Variants in NOL8 observed in about 807,000 individuals in gnomAD.
NOL8 encodes the protein nucleolar protein 8.
NOL8 carries 93 observed loss-of-function variants against 116.1 expected under a neutral mutation model. The observed-to-expected ratio is 0.80, with a 90% CI of 0.68 to 0.95. NOL8 has a LOEUF of 0.95. NOL8 is among the 40% of genes least tolerant of loss of function. The probability of loss-of-function intolerance (pLI) is 0.00; values close to 1 mark genes in which losing one functional copy is unlikely to be tolerated. For missense variants in NOL8, 1,291 were observed against 1,382.8 expected, an observed-to-expected ratio of 0.93 and a Z score of 1.05; for synonymous variants, 419 against 469.0, an observed-to-expected ratio of 0.89 and a Z score of 1.38.
At chr9:92,321,887 G>C in intron 3 of NOL8, 141 bp from the exon 4 acceptor site, 2 of 552,524 alleles carry the variant, frequency 3.6e-6, no homozygotes, top group Non-Finnish European at 6.2e-6. Flanking sequence ...AAAGAAATGA[G>C]ACCTGGAGAG....
intron 3 of NOL8, 49 bp from the exon 4 acceptor site, chr9:92,321,795 T>C: frequency 1.1e-6 from 1 of 934,900 alleles, no homozygotes; most frequent in Non-Finnish European, 1.6e-6. Flanking sequence ...AAAAATATAT[T>C]TCAGCTTGTG....
intron 11 of NOL8, 62 bp downstream of exon 11, chr9:92,306,824 G>C: frequency 6.6e-7 from 1 of 1,522,354 alleles, no homozygotes; most frequent in Admixed American, 1.9e-5. Context: ...TTTAAATTGA[G>C]TTCAAGAAGA....
intron 12 of NOL8, among the ~76,000 whole-genome samples, chr9:92,303,438 T>G (rs1027947035): frequency 3.9e-5 from 6 of 152,232 alleles, no homozygotes; most frequent in Non-Finnish European, 8.8e-5. Context: ...TTTAATAGTT[T>G]TATCGGCACA....
intron 14 of NOL8, 47 bp downstream of exon 14, chr9:92,299,843 G>T: frequency 6.3e-7 from 1 of 1,592,714 alleles, no homozygotes; most frequent in South Asian, 1.1e-5. Context: ...GTCTAATTCA[G>T]ATTTTACAAA....
At chr9:92,317,512 G>A (rs72750491) in intron 6 of NOL8, among the ~76,000 whole-genome samples, 4,653 of 152,286 alleles carry the variant, frequency 0.031, 110 homozygotes, top group South Asian at 0.079. Context: ...GATTCAGGTA[G>A]TAGTGGTTTC....
intron 4 of NOL8, chr9:92,319,900 C>T (rs1017672642): frequency 6.3e-5 from 24 of 378,280 alleles, no homozygotes; most frequent in South Asian, 4.6e-4. Context: ...CCATCCACTA[C>T]ACTACAGTCA....
At chr9:92,322,444 C>G (rs992115131) in intron 3 of NOL8, among the ~76,000 whole-genome samples, 1 of 152,250 alleles carries the variant, frequency 6.6e-6, no homozygotes, top group East Asian at 1.9e-4. Flanking sequence ...CTCACTGCAA[C>G]CTCTGCCTCC....
chr9:92,305,864 T>G (rs768853946), intron 11 of NOL8, 34 bp from the exon 12 acceptor site: 7 of 1,442,104 alleles, frequency 4.9e-6, no homozygotes, highest in Admixed American at 1.7e-5. Context: ...TTGGAAGAGA[T>G]AAAAACAGAA....
intron 5 of NOL8, chr9:92,318,960 G>A: frequency 1.9e-6 from 1 of 513,614 alleles, no homozygotes; most frequent in Non-Finnish European, 3.3e-6. Context: ...CTTGGGACCT[G>A]CCTGTATTCC....
At chr9:92,304,684 A>G (rs1262039545) in intron 12 of NOL8, among the ~76,000 whole-genome samples, 1 of 152,240 alleles carries the variant, frequency 6.6e-6, no homozygotes, top group African/African-American at 2.4e-5. Flanking sequence ...TTAGGTTTAC[A>G]GAAAGTAACG....
At chr9:92,311,428 G>A (rs879633354) in intron 7 of NOL8, among the ~76,000 whole-genome samples, 169 bp from the exon 8 acceptor site, 3 of 152,082 alleles carry the variant, frequency 2.0e-5, no homozygotes, top group South Asian at 2.1e-4. Context: ...GTACAGAATC[G>A]GAGAAAATAT....
intron 5 of NOL8, 192 bp from the exon 6 acceptor site, chr9:92,318,878 C>G: frequency 1.8e-6 from 1 of 556,192 alleles, no homozygotes; most frequent in Non-Finnish European, 3.1e-6. Context: ...AGATTTGGAG[C>G]AGCTATCAAT....
At chr9:92,318,572 T>C (rs1269828143) in intron 6 of NOL8, 46 bp downstream of exon 6, 1 of 1,294,224 alleles carries the variant, frequency 7.7e-7, no homozygotes. Flanking sequence ...ATTTTACAAG[T>C]ATCCGTCACT....
chr9:92,300,490 C>T, intron 13 of NOL8: 7 of 989,986 alleles, frequency 7.1e-6, no homozygotes, highest in South Asian at 4.6e-5. Context: ...GCTATAAGAT[C>T]AGGACAATCA....
Position 92,310,543 on chromosome 9 carries a change from C to G in NOL8, c.2595+10G>C. 6.3e-7 allele frequency: 1 copy of G among 1,584,068 alleles called. No individual in the cohort carries two copies. Among genetic ancestry groups the G allele is most frequent in the Non-Finnish European group, 8.6e-7 (1 of 1,169,486 alleles). ...TGCTGCAAGTCTAATTATTTTCAGT[C>G]TTCACTAACCTTCTGTCCAGCTCTG... is the stretch of plus-strand genomic sequence containing the variant. On this transcript the variant is annotated intron_variant, in intron 9 of 16. Transcript: ENST00000442668.
chr9:92,314,218 C>T, intron 7 of NOL8, 49 bp downstream of exon 7: 1 of 1,500,088 alleles, frequency 6.7e-7, no homozygotes, highest in Non-Finnish European at 8.9e-7. Context: ...GAAAGAAAAG[C>T]TGAACTTTCT....
At chr9:92,304,270 C>G (rs184192912) in intron 12 of NOL8, among the ~76,000 whole-genome samples, 89 of 152,352 alleles carry the variant, frequency 5.8e-4, no homozygotes, top group Non-Finnish European at 9.4e-4. Context: ...TTCAGAGTTA[C>G]TATGGACATG....
intron 3 of NOL8, 92 bp downstream of exon 3, chr9:92,323,349 T>C: frequency 2.6e-6 from 4 of 1,544,672 alleles, no homozygotes; most frequent in Non-Finnish European, 3.5e-6. Context: ...ACGTGAAAAA[T>C]GGCTGTGGAG....
intron 16 of NOL8, 45 bp downstream of exon 16, chr9:92,298,212 T>A: frequency 7.1e-7 from 1 of 1,402,722 alleles, no homozygotes; most frequent in Non-Finnish European, 9.9e-7. Context: ...TCTAGATAGG[T>A]AACATGTCTA....
Sources: allele counts gnomAD v4.1 joint callset (sites outside exome capture counted in the v4.1 genomes callset), GRCh38; gene constraint gnomAD v4.1.1; transcripts MANE v1.5; gene names NCBI Gene and HGNC (gene_info 2026-07-23, HGNC 2026-07-21).